Variants in SLC8A1 observed in about 807,000 individuals in gnomAD.
SLC8A1 encodes the protein solute carrier family 8 member A1, also known as sodium/calcium exchanger 1.
Under a neutral mutation model 68.3 loss-of-function variants are expected in SLC8A1, and 18 were observed. That is an observed-to-expected ratio of 0.26 (90% CI 0.18 to 0.39). The LOEUF (loss-of-function observed/expected upper bound fraction) is 0.39. Ranked by LOEUF, SLC8A1 falls within the 10% of genes least tolerant of loss-of-function variation. The pLI is 1.00. For missense variants in SLC8A1, 985 were observed against 1,156.7 expected, an observed-to-expected ratio of 0.85 and a Z score of 2.15; for synonymous variants, 475 against 415.5, an observed-to-expected ratio of 1.14 and a Z score of -1.74.
At chr2:40,455,006 T>C (rs1400268579), upstream of SLC8A1, among the ~76,000 whole-genome samples, 1 of 152,232 alleles carries the variant, frequency 6.6e-6, no homozygotes, top group Non-Finnish European at 1.5e-5. Flanking sequence ...ATTGCCATTC[T>C]TTCCTCTGGA....
chr2:40,297,062 C>G (rs1026163444), intron 2 of SLC8A1, among the ~76,000 whole-genome samples: 1 of 151,906 alleles, frequency 6.6e-6, no homozygotes, highest in Non-Finnish European at 1.5e-5. Flanking sequence ...TCTTGGTGAA[C>G]TGAAGGCACA....
exon 2 of SLC8A1, chr2:40,428,773 T>G: frequency 1.2e-6 from 2 of 1,613,794 alleles, no homozygotes; most frequent in South Asian, 2.2e-5. Context: ...TTCTGAAGCT[T>G]CAGAAGATAC....
rs116465866 is a variant in SLC8A1, at chr2:40,285,932, G to A, written c.1809-108077C>T. Among the ~76,000 whole-genome samples, 935 of 152,160 alleles carry A rather than the reference G, an allele frequency of 6.1e-3. 6 individuals are homozygous for A. The highest frequency in any genetic ancestry group is 0.021 in the African/African-American group (884 of 41,482). On this transcript the variant is annotated intron_variant, in intron 2 of 7. Coordinates refer to ENST00000406785, the Ensembl canonical transcript of SLC8A1. The stretch of plus-strand genomic sequence containing the variant: ...AGTTCCTTATATGATCTTCTGATTA[G>A]AGAATAACTGCCAAAATGATGTTTG...
intron 2 of SLC8A1, among the ~76,000 whole-genome samples, chr2:40,383,423 G>C (rs1459038667): frequency 6.6e-6 from 1 of 151,968 alleles, no homozygotes; most frequent in African/African-American, 2.4e-5. Context: ...AAAGACATTT[G>C]GTGACTGTCA....
intron 1 of SLC8A1, among the ~76,000 whole-genome samples, chr2:40,492,954 A>G: frequency 6.6e-6 from 1 of 152,164 alleles, no homozygotes. Context: ...TCAGGGATCT[A>G]GAACTAGAAA....
intron 2 of SLC8A1, among the ~76,000 whole-genome samples, chr2:40,275,939 C>A (rs777193006): frequency 4.4e-4 from 67 of 152,248 alleles, no homozygotes; most frequent in African/African-American, 1.6e-3. Context: ...TTCACTTAGT[C>A]TCCTTGAAGG....
chr2:40,279,122 C>G (rs2067164533), intron 2 of SLC8A1, among the ~76,000 whole-genome samples: 1 of 152,072 alleles, frequency 6.6e-6, no homozygotes, highest in Non-Finnish European at 1.5e-5. Flanking sequence ...TGGTCCATAG[C>G]TATTTATGAG....
chr2:40,219,173 G>C (rs562244095), intron 2 of SLC8A1, among the ~76,000 whole-genome samples: 3 of 152,182 alleles, frequency 2.0e-5, no homozygotes, highest in Non-Finnish European at 2.9e-5. Flanking sequence ...AGCGGAGTTG[G>C]GTCATGGAGA....
chr2:40,369,423 G>C (rs1677292651), intron 2 of SLC8A1, among the ~76,000 whole-genome samples: 1 of 152,078 alleles, frequency 6.6e-6, no homozygotes, highest in Admixed American at 6.6e-5. Flanking sequence ...TATCAGCACA[G>C]AATCTCTCTT....
rs1414965469 is a variant in SLC8A1 at position 40,397,709 on chromosome 2, G to T, written c.1808+30764C>A. Reference sequence around the variant, plus strand: ...GACAAGTGGCACAAAGCATTCAGAAGTGGAAAGGATTCTCACCAGGAGAAC... The same window carrying T: ...GACAAGTGGCACAAAGCATTCAGAATTGGAAAGGATTCTCACCAGGAGAAC... On this transcript the variant is annotated intron_variant, in intron 2 of 7. Transcript: ENST00000406785. 2.6e-5 allele frequency among the ~76,000 whole-genome samples: 4 copies of T among 152,304 alleles called. No individual in the cohort carries two copies. In the South Asian group the frequency reaches 8.3e-4, roughly 32 times the overall value.
intron 2 of SLC8A1, among the ~76,000 whole-genome samples, chr2:40,303,066 C>T (rs2071828397): frequency 6.6e-6 from 1 of 152,142 alleles, no homozygotes; most frequent in South Asian, 2.1e-4. Flanking sequence ...TAAGCACTAG[C>T]AAAATGAATT....
intron 2 of SLC8A1, among the ~76,000 whole-genome samples, chr2:40,342,597 C>T (rs1348770226): frequency 6.6e-6 from 1 of 152,030 alleles, no homozygotes; most frequent in African/African-American, 2.4e-5. Context: ...TTCTATTTCC[C>T]CCAGGGGGCC....
At chr2:40,129,800 C>CAA (rs1238267507) in intron 7 of SLC8A1, among the ~76,000 whole-genome samples, 1 of 152,172 alleles carries the variant, frequency 6.6e-6, no homozygotes, top group African/African-American at 2.4e-5. Context: ...TTGCTCTGGC[C>CAA]AACCTAGAGT....
chr2:40,124,843 T>A (rs1339748435), intron 7 of SLC8A1, among the ~76,000 whole-genome samples: 3 of 152,242 alleles, frequency 2.0e-5, no homozygotes, highest in Admixed American at 6.5e-5. Flanking sequence ...CATGACACAC[T>A]GCTTTGTGAG....
At chr2:40,462,775 T>C (rs1703422728) in intron 1 of SLC8A1, among the ~76,000 whole-genome samples, 1 of 152,088 alleles carries the variant, frequency 6.6e-6, no homozygotes, top group South Asian at 2.1e-4. Context: ...GCCACTGCCC[T>C]TAGCCTGGGT....
chr2:40,496,873 A>G (rs1393542861), intron 1 of SLC8A1, among the ~76,000 whole-genome samples: 8 of 138,126 alleles, frequency 5.8e-5, no homozygotes, highest in African/African-American at 8.1e-5. Flanking sequence ...GAATTGAACA[A>G]TGAGATCACA....
intron 1 of SLC8A1, among the ~76,000 whole-genome samples, chr2:40,449,666 A>G (rs1702078292): frequency 7.4e-6 from 1 of 134,294 alleles, no homozygotes; most frequent in African/African-American, 3.0e-5. Flanking sequence ...ACCACTATAT[A>G]ATAATATTAA....
intron 7 of SLC8A1, chr2:40,118,254 T>C (rs1461054705): frequency 6.6e-6 from 1 of 152,266 alleles, no homozygotes; most frequent in Admixed American, 6.5e-5. Context: ...CAGAGCCCAG[T>C]CTCAGTCCAC....
intron 2 of SLC8A1, among the ~76,000 whole-genome samples, chr2:40,247,604 G>T (rs1574657743): frequency 1.3e-5 from 2 of 152,182 alleles, no homozygotes; most frequent in East Asian, 3.8e-4. Flanking sequence ...AGCTGTATTG[G>T]CCTATGTTCA....
Sources: allele counts gnomAD v4.1 joint callset (sites outside exome capture counted in the v4.1 genomes callset), GRCh38; gene constraint gnomAD v4.1.1; transcripts MANE v1.5; gene names NCBI Gene and HGNC (gene_info 2026-07-23, HGNC 2026-07-21).